Variants in KIZ observed in about 807,000 individuals in gnomAD.
KIZ encodes the protein centrosomal protein kizuna.
In KIZ, 68 loss-of-function variants were observed where a neutral mutation model predicts 79.6. The observed-to-expected ratio is 0.85, with a 90% confidence interval of 0.70 to 1.05. The LOEUF (loss-of-function observed/expected upper bound fraction) is 1.05, where lower values mean the gene tolerates loss of function less well. Among genes scored for constraint, KIZ ranks in the 50% least tolerant of loss-of-function variants. The probability of loss-of-function intolerance (pLI) is 0.00; values close to 1 mark genes in which losing one functional copy is unlikely to be tolerated. For synonymous variants in KIZ, 280 were observed against 281.8 expected (o/e 0.99, Z 0.06); for missense variants, 797 against 800.4 (o/e 1.00, Z 0.05).
Position 21,140,320 on chromosome 20 carries a change from T to G in KIZ, c.315+3768T>G, listed in dbSNP as rs537392536. On this transcript the variant is annotated intron_variant, in intron 3 of 12. Coordinates refer to ENST00000619189, the MANE Select transcript of KIZ (RefSeq NM_018474.6). Reference sequence around the variant, plus strand: ...CCCAAAATGCCACAGGTATTGCACCTTGAACAGACTACAGTTAATACAAAT... The same window carrying G: ...CCCAAAATGCCACAGGTATTGCACCGTGAACAGACTACAGTTAATACAAAT... 1.2e-4 allele frequency among the ~76,000 whole-genome samples: 18 copies of G among 152,292 alleles called. No homozygotes were observed. The South Asian group carries it at 3.5e-3, about 30-fold the overall frequency.
intron 6 of KIZ, among the ~76,000 whole-genome samples, chr20:21,181,576 A>G (rs142327647): frequency 0.014 from 2,173 of 151,870 alleles, 35 homozygotes; most frequent in Middle Eastern, 0.041. Context: ...CTCATGCCTC[A>G]GCTTCCCTTG....
At position 21,132,123 on chromosome 20, in the gene KIZ, A is replaced by C; in HGVS notation, c.116A>C (p.Lys39Thr). The change falls in exon 2 of 13, where the codon AAG (lysine) becomes ACG (threonine). Residue 39 changes from lysine (K) to threonine (T), a missense_variant. By Grantham distance (78) the Lys-to-Thr change is moderately conservative. Coordinates refer to ENST00000619189, the MANE Select transcript of KIZ (RefSeq NM_018474.6). Reference protein sequence around the residue: ...DSEKKRLDLEKKLYEYNQSDT... With the variant: ...DSEKKRLDLETKLYEYNQSDT... ...GAAAAGAAGAGATTGGACCTGGAAA[A>C]GAAACTTTATGAATATAATCAGTCT... 6.8e-7 allele frequency: 1 copy of C among 1,462,204 alleles called. No individual in the cohort carries two copies. Among genetic ancestry groups the C allele is most frequent in the Non-Finnish European group, 9.3e-7 (1 of 1,070,496 alleles). The allele number at this position is 1,462,204 out of a possible 1,614,324, so 90.6% of individuals were successfully genotyped here. A position where few individuals can be genotyped will look rare whatever the true frequency, so the allele number is the denominator to read the frequency against.
At chr20:21,213,492 A>G (rs572152952) in intron 7 of KIZ, 4 of 152,284 alleles carry the variant, frequency 2.6e-5, no homozygotes, top group East Asian at 3.9e-4. Flanking sequence ...TTTTCCCACA[A>G]TTGGGTTGAA....
At chr20:21,160,689 C>T (rs1000066857) in intron 4 of KIZ, among the ~76,000 whole-genome samples, 7 of 152,110 alleles carry the variant, frequency 4.6e-5, no homozygotes, top group Non-Finnish European at 7.4e-5. Flanking sequence ...TTGTGTCCCC[C>T]CCAAAGTTCA....
At chr20:21,216,864 C>A (rs1445408922) in intron 9 of KIZ, among the ~76,000 whole-genome samples, 3 of 152,156 alleles carry the variant, frequency 2.0e-5, no homozygotes, top group African/African-American at 7.2e-5. Flanking sequence ...TTTCAGTATT[C>A]TTTACAATCA....
At chr20:21,138,795 G>A (rs1441876032) in intron 3 of KIZ, among the ~76,000 whole-genome samples, 1 of 152,094 alleles carries the variant, frequency 6.6e-6, no homozygotes, top group African/African-American at 2.4e-5. Flanking sequence ...CTATAGATCT[G>A]AGCCTTGCCT....
At chr20:21,212,493 A>G (rs1374789731) in intron 7 of KIZ, among the ~76,000 whole-genome samples, 1 of 152,244 alleles carries the variant, frequency 6.6e-6, no homozygotes, top group African/African-American at 2.4e-5. Context: ...TTGTAAGCTA[A>G]TGTAAGTGTT....
chr20:21,167,300 G>A (rs369019787), intron 6 of KIZ, among the ~76,000 whole-genome samples: 32 of 152,300 alleles, frequency 2.1e-4, no homozygotes, highest in African/African-American at 7.2e-4. Flanking sequence ...CATAATGACT[G>A]GGAACAGGCT....
chr20:21,243,006 G>A (rs1004168204), intron 11 of KIZ, among the ~76,000 whole-genome samples: 6 of 152,202 alleles, frequency 3.9e-5, no homozygotes, highest in Non-Finnish European at 8.8e-5. Flanking sequence ...CAGGTAGGGG[G>A]AGGTGGGGAA....
intron 6 of KIZ, among the ~76,000 whole-genome samples, chr20:21,199,507 G>A (rs1200478595): frequency 6.6e-6 from 1 of 152,110 alleles, no homozygotes; most frequent in African/African-American, 2.4e-5. Context: ...ATTATCACTG[G>A]TTCACTCTCT....
intron 9 of KIZ, among the ~76,000 whole-genome samples, chr20:21,219,533 G>T (rs1413805711): frequency 6.6e-6 from 1 of 152,070 alleles, no homozygotes; most frequent in Non-Finnish European, 1.5e-5. Context: ...GCCCAGGCTG[G>T]TCTCCAACTC....
intron 11 of KIZ, among the ~76,000 whole-genome samples, chr20:21,241,967 C>T (rs2037234046): frequency 6.6e-6 from 1 of 151,964 alleles, no homozygotes; most frequent in African/African-American, 2.4e-5. Context: ...ATATGTAAAT[C>T]AAGTATTATA....
Position 21,166,545 on chromosome 20 carries a change from C to T in KIZ, c.1352+3386C>T, listed in dbSNP as rs6113151. ...AGCACCTGGCGTTTGCCTCTCTTTT[C>T]GGCATTGTTGATGGTCTTGAGAGCA... is the stretch of plus-strand genomic sequence containing the variant. On this transcript the variant is annotated intron_variant, in intron 6 of 12. Coordinates refer to ENST00000619189, the MANE Select transcript of KIZ (RefSeq NM_018474.6). 1,968 of 1,479,690 alleles carry T rather than the reference C, an allele frequency of 1.3e-3. 27 individuals carry two copies. In the African/African-American group the frequency reaches 0.025, roughly 18 times the overall value. 91.7% of individuals were successfully genotyped at this position (1,479,690 alleles called of 1,614,324 possible).
At chr20:21,244,127 G>A in intron 11 of KIZ, 118 bp from the exon 12 acceptor site, 1 of 731,934 alleles carries the variant, frequency 1.4e-6, no homozygotes, top group Non-Finnish European at 2.4e-6. Context: ...TGGGAAGTAA[G>A]TGTAAAGTTC....
intron 6 of KIZ, among the ~76,000 whole-genome samples, chr20:21,188,880 G>T (rs1600490645): frequency 6.6e-6 from 1 of 151,648 alleles, no homozygotes; most frequent in Non-Finnish European, 1.5e-5. Context: ...TTGTGTGTGT[G>T]TGTTTTTTTG....
At chr20:21,223,020 C>T (rs1454873774) in intron 9 of KIZ, among the ~76,000 whole-genome samples, 1 of 152,120 alleles carries the variant, frequency 6.6e-6, no homozygotes, top group East Asian at 1.9e-4. Flanking sequence ...AGTAATTATT[C>T]CTGAACCTAC....
chr20:21,240,048 G>GA (rs1247648051), intron 11 of KIZ, among the ~76,000 whole-genome samples: 1 of 152,126 alleles, frequency 6.6e-6, no homozygotes, highest in Non-Finnish European at 1.5e-5. Context: ...AGAGCTGGGA[G>GA]AAAAAATGAC....
Position 21,214,625 on chromosome 20 carries a change from A to G in KIZ, c.1537A>G (p.Ile513Val). ...TGAATCATCTTGCAGCTTGCCATCT[A>G]TTCTGAATGACAATAGTGGAATAAA... ...SSESSCSLPS[I>V]LNDNSGIKEA... Residue 513 changes from isoleucine (I) to valine (V), a missense_variant, in exon 8 of 13, where the codon ATT becomes GTT. By Grantham distance (29) the Ile-to-Val change is conservative (BLOSUM62 3). Coordinates refer to ENST00000619189, the MANE Select transcript of KIZ (RefSeq NM_018474.6). 4.3e-6 allele frequency: 7 copies of G among 1,612,648 alleles called. No individual in the cohort carries two copies. Among genetic ancestry groups the G allele is most frequent in the African/African-American group, 1.3e-5 (1 of 75,018 alleles).
chr20:21,212,940 C>T (rs774519569), intron 7 of KIZ, among the ~76,000 whole-genome samples: 8 of 152,176 alleles, frequency 5.3e-5, no homozygotes, highest in Non-Finnish European at 1.2e-4. Context: ...AGAGTTATCA[C>T]AGTGGAGTGA....
Sources: gnomAD v4.1 joint callset for allele counts (sites outside exome capture counted in the v4.1 genomes callset) on GRCh38, gnomAD v4.1.1 for gene constraint, MANE v1.5 for transcripts, NCBI Gene and HGNC (gene_info 2026-07-23, HGNC 2026-07-21) for gene names.